The following CCDC33 variants were observed in gnomAD, a reference collection of about 807,000 sequenced individuals.
The protein encoded by CCDC33 is coiled-coil domain containing 33, also known as coiled-coil domain-containing protein 33.
A neutral mutation model predicts 91.9 loss-of-function variants in CCDC33; 94 were observed. That is an observed-to-expected ratio of 1.02 (90% CI 0.87 to 1.21). CCDC33 has a LOEUF of 1.21. CCDC33 is among the 50% of genes most tolerant of loss of function. The pLI is 0.00. For missense variants in CCDC33, 940 were observed against 935.5 expected, an observed-to-expected ratio of 1.00 and a Z score of -0.06; for synonymous variants, 396 against 374.5, an observed-to-expected ratio of 1.06 and a Z score of -0.66.
At chr15:74,216,118 G>A (rs115422825), upstream of CCDC33, among the ~76,000 whole-genome samples, 642 of 152,154 alleles carry the variant, frequency 4.2e-3, 6 homozygotes, top group African/African-American at 0.014. Flanking sequence ...ATATGCAAGG[G>A]AAGAGAGCTG....
chr15:74,279,210 G>C lies in CCDC33; in HGVS notation c.760-753G>C, dbSNP rs534241695. Among the ~76,000 whole-genome samples, 10 of 152,330 alleles carry C rather than the reference G, an allele frequency of 6.6e-5. No homozygotes were observed. The East Asian group carries it at 1.3e-3, about 21-fold the overall frequency. ...TATGTAGCAGAGAACGTTCAATGCA[G>C]TGTTATTACAGGGAAAAATGGGAAG... On this transcript the variant is annotated intron_variant, in intron 7 of 18. Coordinates refer to ENST00000398814, the MANE Select transcript of CCDC33 (RefSeq NM_025055.5).
chr15:74,321,083 C>T (rs1183591588), intron 11 of CCDC33, among the ~76,000 whole-genome samples: 3 of 152,124 alleles, frequency 2.0e-5, no homozygotes, highest in Non-Finnish European at 4.4e-5. Context: ...AATTTTCAGG[C>T]ACAACCTCCA....
intron 1 of CCDC33, among the ~76,000 whole-genome samples, chr15:74,242,847 G>C (rs2075391424): frequency 6.6e-6 from 1 of 152,084 alleles, no homozygotes; most frequent in Non-Finnish European, 1.5e-5. Context: ...TGCCTCCCCA[G>C]TCAAACTGAG....
chr15:74,224,273 C>A (rs186815706), intron 2 of CCDC33, among the ~76,000 whole-genome samples: 20 of 152,240 alleles, frequency 1.3e-4, no homozygotes, highest in African/African-American at 4.6e-4. Context: ...ATCGTGATCA[C>A]CCTGCAGGCA....
exon 1 of CCDC33, chr15:74,217,234 G>A: frequency 8.1e-7 from 1 of 1,229,646 alleles, no homozygotes; most frequent in Non-Finnish European, 1.0e-6. Flanking sequence ...GGGTGAGAGG[G>A]TGCAGTGCTC....
chr15:74,301,848 C>G (rs1389769907), intron 11 of CCDC33: 1 of 152,086 alleles, frequency 6.6e-6, no homozygotes, highest in African/African-American at 2.4e-5. Context: ...CTCTCTCGCT[C>G]TCTCTCTTTT....
chr15:74,295,072 G>A (rs1266111951), intron 10 of CCDC33, among the ~76,000 whole-genome samples: 1 of 152,190 alleles, frequency 6.6e-6, no homozygotes, highest in Non-Finnish European at 1.5e-5. Context: ...GAGATGAAAT[G>A]GAAAATAGGT....
intron 1 of CCDC33, among the ~76,000 whole-genome samples, chr15:74,241,214 C>T (rs566654185): frequency 3.0e-4 from 46 of 152,186 alleles, no homozygotes; most frequent in Admixed American, 1.3e-4. Context: ...GGGGTGGCCT[C>T]CTCAGTCAGA....
In CCDC33 at chr15:74,316,978, T is replaced by G. The variant is rs2060099098; in HGVS notation, c.1291-13211T>G. Among the ~76,000 whole-genome samples, 1 of 152,110 alleles carries G rather than the reference T, an allele frequency of 6.6e-6. No individual in the cohort carries two copies. Among genetic ancestry groups the G allele is most frequent in the Non-Finnish European group, 1.5e-5 (1 of 68,028 alleles). On this transcript the variant is annotated intron_variant, in intron 11 of 18. Coordinates refer to ENST00000398814, the MANE Select transcript of CCDC33 (RefSeq NM_025055.5). The surrounding 1 kb of genome is among the most constrained non-coding windows in gnomAD (Gnocchi z 4.7). ...TATCTTTCCACTTCACCAGGCCCAC[T>G]CAAATAAGAACTAATAGGAGTATGG...
At chr15:74,252,705 A>T (rs1338430471) in intron 2 of CCDC33, among the ~76,000 whole-genome samples, 2 of 152,172 alleles carry the variant, frequency 1.3e-5, no homozygotes. Context: ...CTTCTCTTCC[A>T]GCAGGATCCC....
chr15:74,222,078 T>C (rs910613452), intron 2 of CCDC33, among the ~76,000 whole-genome samples: 4 of 152,036 alleles, frequency 2.6e-5, no homozygotes, highest in African/African-American at 9.7e-5. Context: ...GCTGGACATT[T>C]TTAGGGGAAA....
At chr15:74,214,436 C>T (rs1220932999), upstream of CCDC33, among the ~76,000 whole-genome samples, 1 of 152,178 alleles carries the variant, frequency 6.6e-6, no homozygotes, top group Admixed American at 6.5e-5. Flanking sequence ...CAGAGACAGT[C>T]TCACCTGGAG....
At chr15:74,210,954 T>A (rs555406742) in intron 2 of CCDC33, among the ~76,000 whole-genome samples, 1 of 152,260 alleles carries the variant, frequency 6.6e-6, no homozygotes, top group South Asian at 2.1e-4. Context: ...TTAAGTAGAA[T>A]AGAGCAGTAA....
intron 11 of CCDC33, among the ~76,000 whole-genome samples, chr15:74,326,214 A>G (rs1425980925): frequency 6.6e-6 from 1 of 152,212 alleles, no homozygotes; most frequent in African/African-American, 2.4e-5. Flanking sequence ...AGTCCCAGCT[A>G]CTTGGGAGGC....
chr15:74,227,629 G>GA (rs1296604076), intron 2 of CCDC33, among the ~76,000 whole-genome samples: 5 of 152,140 alleles, frequency 3.3e-5, no homozygotes, highest in Admixed American at 6.5e-5. Flanking sequence ...ATGACACTTA[G>GA]AAAAAAGTGT....
Position 74,218,480 on chromosome 15 carries a change from T to C in CCDC33, c.311-17T>C, listed in dbSNP as rs2142139726. On this transcript the variant is annotated splice_polypyrimidine_tract_variant and intron_variant, in intron 1 of 2. Transcript: ENST00000635913. The surrounding 1 kb of genome is among the most constrained non-coding windows in gnomAD (Gnocchi z 4.8). ...GAAACCTGAGACCATCTCTGAGCCC[T>C]GTGTTCCCTCATCCAGGTTTCTGCA... 2 of 1,267,750 alleles carry C rather than the reference T, an allele frequency of 1.6e-6. No individual in the cohort carries two copies. Among genetic ancestry groups the C allele is most frequent in the Non-Finnish European group, 2.0e-6 (2 of 977,056 alleles). 78.5% of individuals were successfully genotyped at this position (1,267,750 alleles called of 1,614,324 possible).
chr15:74,219,736 T>C (rs981188024), intron 2 of CCDC33, among the ~76,000 whole-genome samples: 1 of 152,166 alleles, frequency 6.6e-6, no homozygotes, highest in Admixed American at 6.5e-5. Context: ...CATTCATCCA[T>C]CAGACATTTG....
At chr15:74,215,650 G>A (rs1259894298), upstream of CCDC33, among the ~76,000 whole-genome samples, 1 of 152,180 alleles carries the variant, frequency 6.6e-6, no homozygotes, top group Non-Finnish European at 1.5e-5. Flanking sequence ...ACATTAGGTG[G>A]TGGAGGATCC....
At chr15:74,258,650 G>A (rs2075940233) in intron 2 of CCDC33, among the ~76,000 whole-genome samples, 2 of 152,184 alleles carry the variant, frequency 1.3e-5, no homozygotes, top group Non-Finnish European at 2.9e-5. Flanking sequence ...TTGTGCGCAT[G>A]TGTGTGCATG....
Sources: gnomAD v4.1 joint callset for allele counts (sites outside exome capture counted in the v4.1 genomes callset) on GRCh38, gnomAD v4.1.1 for gene constraint, Gnocchi (gnomAD v3.1) non-coding constraint, MANE v1.5 for transcripts, NCBI Gene and HGNC (gene_info 2026-07-23, HGNC 2026-07-21) for gene names.